PPM1B: variants seen among roughly 807,000 people sequenced by gnomAD.
The protein encoded by PPM1B is protein phosphatase, Mg2+/Mn2+ dependent 1B, also known as protein phosphatase 1B.
In PPM1B, 22 loss-of-function variants were observed where a neutral mutation model predicts 43.0. That is an observed-to-expected ratio of 0.51 (90% CI 0.37 to 0.73). The LOEUF (loss-of-function observed/expected upper bound fraction) is 0.73, where lower values mean the gene tolerates loss of function less well. Among genes scored for constraint, PPM1B ranks in the 30% least tolerant of loss-of-function variants. The pLI is 0.00. For missense variants in PPM1B, 632 were observed against 584.2 expected, an observed-to-expected ratio of 1.08 and a Z score of -0.84; for synonymous variants, 217 against 197.9, an observed-to-expected ratio of 1.10 and a Z score of -0.81.
chr2:44,197,407 C>CCA (rs151296228), intron 1 of PPM1B, among the ~76,000 whole-genome samples: 502 of 152,258 alleles, frequency 3.3e-3, no homozygotes, highest in African/African-American at 0.012. Context: ...GCATGAGCTA[C>CCA]CACACTTGGC....
Position 44,201,552 on chromosome 2 carries a change from G to A in PPM1B, c.353G>A (p.Arg118His), listed in dbSNP as rs758211363. The change falls in exon 2 of 6, where the codon CGT becomes CAT. Residue 118 changes from arginine (R) to histidine (H), a missense_variant. By Grantham distance (29) the Arg-to-His change is conservative. Transcript: ENST00000282412. The surrounding 1 kb of genome is among the most constrained non-coding windows in gnomAD (Gnocchi z 5.4). Reference protein sequence around the residue: ...TGFLKIDEYMRNFSDLRNGMD... With the variant: ...TGFLKIDEYMHNFSDLRNGMD... ...TTTTTGAAAATTGATGAATACATGC[G>A]TAACTTTTCAGACCTCAGAAACGGG... 25 of 1,613,986 alleles carry A rather than the reference G, an allele frequency of 1.5e-5. No individual in the cohort carries two copies. Among genetic ancestry groups the A allele is most frequent in the African/African-American group, 2.7e-5 (2 of 74,888 alleles).
chr2:44,186,001 G>C (rs1215406458), intron 1 of PPM1B, among the ~76,000 whole-genome samples: 1 of 152,120 alleles, frequency 6.6e-6, no homozygotes, highest in Non-Finnish European at 1.5e-5. Flanking sequence ...TACATGTTCT[G>C]TTTCTGTGAG....
intron 1 of PPM1B, among the ~76,000 whole-genome samples, chr2:44,171,525 A>G (rs1667343511): frequency 6.6e-6 from 1 of 152,178 alleles, no homozygotes; most frequent in African/African-American, 2.4e-5. Context: ...GATTGTGGTG[A>G]TTCATTAAAA....
At position 44,193,272 on chromosome 2, in the gene PPM1B, T is replaced by C. The variant is rs142124704; in HGVS notation, c.-14-7914T>C. On this transcript the variant is annotated intron_variant, in intron 1 of 5. Coordinates refer to ENST00000282412, the MANE Select transcript of PPM1B (RefSeq NM_002706.6). ...CCATTCTGACAGGTGTGAGATGATA[T>C]GTCATTGTGCCTTTAATTTGCATTT... 3.2e-3 allele frequency among the ~76,000 whole-genome samples: 490 copies of C among 152,364 alleles called. 1 individual carries two copies. The highest frequency in any genetic ancestry group is 0.011 in the African/African-American group (473 of 41,578).
chr2:44,209,074 T>C, intron 2 of PPM1B, 136 bp from the exon 3 acceptor site: 1 of 763,796 alleles, frequency 1.3e-6, no homozygotes, highest in Non-Finnish European at 1.9e-6. Context: ...TAGTAATTCA[T>C]TGGAATAAAA....
rs1558379446 is a variant in PPM1B, at chr2:44,169,140, C to CGGAGGCGG, written c.-149_-148insGGAGGCGG. ...GAGGGGCCGGGCGGTGTAAACAGCC[C>CGGAGGCGG]CGGAGGCGGCGGTCGAGACCCCGAG... On this transcript the variant is annotated 5_prime_UTR_variant, in exon 1 of 6. Coordinates refer to ENST00000282412, the MANE Select transcript of PPM1B (RefSeq NM_002706.6). 7 of 167,076 alleles carry CGGAGGCGG rather than the reference C, an allele frequency of 4.2e-5. No individual in the cohort carries two copies. Among genetic ancestry groups the CGGAGGCGG allele is most frequent in the South Asian group, 1.1e-4 (1 of 9,076 alleles). 10.3% of individuals were successfully genotyped at this position (167,076 alleles called of 1,614,324 possible).
chr2:44,206,228 A>G (rs78843482), intron 2 of PPM1B, among the ~76,000 whole-genome samples: 1 of 151,670 alleles, frequency 6.6e-6, no homozygotes, highest in African/African-American at 2.4e-5. Context: ...CTGGATTTAG[A>G]AAAAAAAATG....
intron 1 of PPM1B, among the ~76,000 whole-genome samples, chr2:44,178,035 A>C (rs1398292427): frequency 1.3e-5 from 2 of 149,748 alleles, no homozygotes; most frequent in East Asian, 4.0e-4. Context: ...CTCCCACCTC[A>C]GCCTCCCAAA....
downstream of PPM1B, chr2:44,232,915 C>G: frequency 1.0e-6 from 1 of 976,004 alleles, no homozygotes. Flanking sequence ...CCAATAATGT[C>G]CAAATTGTAA....
At chr2:44,231,742 A>C (rs1427275143), downstream of PPM1B, among the ~76,000 whole-genome samples, 4 of 152,168 alleles carry the variant, frequency 2.6e-5, no homozygotes, top group Non-Finnish European at 5.9e-5. Flanking sequence ...AAATTGCCAC[A>C]GTGAGCATTT....
intron 5 of PPM1B, among the ~76,000 whole-genome samples, chr2:44,225,068 ATAACT>A (rs754730263): frequency 6.6e-6 from 1 of 152,238 alleles, no homozygotes; most frequent in Admixed American, 6.5e-5. Flanking sequence ...ACCGTGACAA[ATAACT>A]TAAATCTCTC....
chr2:44,218,637 T>C (rs1398528473), intron 5 of PPM1B, 100 bp downstream of exon 5: 1 of 815,906 alleles, frequency 1.2e-6, no homozygotes, highest in Non-Finnish European at 1.9e-6. Flanking sequence ...TAAATTATAG[T>C]CTGTAGTAAA....
chr2:44,200,602 G>A (rs960711829), intron 1 of PPM1B, among the ~76,000 whole-genome samples: 4 of 152,170 alleles, frequency 2.6e-5, no homozygotes, highest in Non-Finnish European at 4.4e-5. Context: ...CCAAATGTGT[G>A]TAGAATGGAG....
chr2:44,222,820 C>T (rs1165407816), intron 5 of PPM1B, among the ~76,000 whole-genome samples: 3 of 152,084 alleles, frequency 2.0e-5, no homozygotes, highest in South Asian at 4.1e-4. Flanking sequence ...TCATGTTTAT[C>T]AGTCTTAAGA....
chr2:44,171,152 G>T (rs888806769), intron 1 of PPM1B, among the ~76,000 whole-genome samples: 2 of 152,188 alleles, frequency 1.3e-5, no homozygotes, highest in African/African-American at 4.8e-5. Context: ...TCTCTTTGAA[G>T]TGACCAGCAG....
At chr2:44,179,309 T>C (rs1380728830) in intron 1 of PPM1B, among the ~76,000 whole-genome samples, 1 of 152,222 alleles carries the variant, frequency 6.6e-6, no homozygotes, top group Non-Finnish European at 1.5e-5. Context: ...TTATCTGCAG[T>C]GTGAAAAAGT....
chr2:44,193,814 G>A (rs1668523533), intron 1 of PPM1B, among the ~76,000 whole-genome samples: 1 of 151,938 alleles, frequency 6.6e-6, no homozygotes, highest in Non-Finnish European at 1.5e-5. Context: ...CCTGACGTAA[G>A]GTGATCCACC....
At chr2:44,203,494 C>G (rs1369153042) in intron 2 of PPM1B, among the ~76,000 whole-genome samples, 3 of 151,916 alleles carry the variant, frequency 2.0e-5, no homozygotes, top group Non-Finnish European at 4.4e-5. Flanking sequence ...TATATACTTA[C>G]TATTGGAAAA....
chr2:44,234,219 T>C, downstream of PPM1B: 1 of 983,352 alleles, frequency 1.0e-6, no homozygotes, highest in African/African-American at 1.7e-5. Context: ...TTTATACTCC[T>C]TTTAAAAAAA....
Sources: allele counts gnomAD v4.1 joint callset (sites outside exome capture counted in the v4.1 genomes callset), GRCh38; gene constraint gnomAD v4.1.1; non-coding constraint Gnocchi (gnomAD v3.1); transcripts MANE v1.5; gene names NCBI Gene and HGNC (gene_info 2026-07-23, HGNC 2026-07-21).